RBFOX1: variants seen among roughly 807,000 people sequenced by gnomAD.
The protein encoded by RBFOX1 is RNA binding fox-1 homolog 1.
RBFOX1 carries 8 observed loss-of-function variants against 57.7 expected under a neutral mutation model. The ratio of observed to expected loss-of-function variants is 0.14; its 90% CI spans 0.08 to 0.25. RBFOX1 has a LOEUF of 0.25. RBFOX1 is among the 10% of genes least tolerant of loss of function. The pLI is 1.00. For synonymous variants in RBFOX1, 326 were observed against 222.4 expected (o/e 1.47, Z -4.15); for missense variants, 611 against 548.5 (o/e 1.11, Z -1.14).
intron 1 of RBFOX1, among the ~76,000 whole-genome samples, chr16:5,265,255 C>A (rs1358387540): frequency 1.3e-5 from 2 of 152,154 alleles, no homozygotes; most frequent in Non-Finnish European, 2.9e-5. Context: ...TCAGTCTTTC[C>A]CCTTCCACAT....
At chr16:5,496,281 C>T (rs1346701217) in intron 2 of RBFOX1, among the ~76,000 whole-genome samples, 2 of 152,172 alleles carry the variant, frequency 1.3e-5, no homozygotes, top group East Asian at 3.9e-4. Context: ...TTCTTAATTT[C>T]TTCTCACGCT....
At position 5,465,921 on chromosome 16, in the gene RBFOX1, C is replaced by T. The variant is rs1289051114; in HGVS notation, c.220-1295C>T. The stretch of plus-strand genomic sequence containing the variant: ...AGCAGAGCTGCATCTGGTCTCTGTC[C>T]ACGGTGCTGCGGTGGGTAAGCTCCC... On this transcript the variant is annotated intron_variant, in intron 1 of 2. Coordinates refer to the RBFOX1 transcript ENST00000585867. Among the ~76,000 whole-genome samples, 3 of 152,134 alleles carry T rather than the reference C, an allele frequency of 2.0e-5. No homozygotes were observed. The East Asian group carries it at 5.8e-4, about 29-fold the overall frequency.
At chr16:7,662,067 A>T (rs2067898167) in intron 12 of RBFOX1, among the ~76,000 whole-genome samples, 1 of 152,184 alleles carries the variant, frequency 6.6e-6, no homozygotes. Context: ...GCTCAGCCTC[A>T]GCCATATCAA....
intron 4 of RBFOX1, among the ~76,000 whole-genome samples, chr16:5,884,198 AAGC>A (rs1277860097): frequency 6.6e-6 from 1 of 152,180 alleles, no homozygotes; most frequent in East Asian, 1.9e-4. Flanking sequence ...TTTTACATTT[AAGC>A]AGCATCTCAG....
At chr16:7,236,019 A>G (rs1184883214) in intron 4 of RBFOX1, among the ~76,000 whole-genome samples, 1 of 152,176 alleles carries the variant, frequency 6.6e-6, no homozygotes, top group African/African-American at 2.4e-5. Flanking sequence ...TAACTAGACC[A>G]TGGTCATTTT....
At chr16:5,532,429 C>G (rs1270457765) in intron 2 of RBFOX1, among the ~76,000 whole-genome samples, 1 of 152,202 alleles carries the variant, frequency 6.6e-6, no homozygotes, top group Admixed American at 6.5e-5. Flanking sequence ...ATCTCAGGCC[C>G]TGACCCGGAC....
intron 6 of RBFOX1, among the ~76,000 whole-genome samples, chr16:7,582,350 GATTT>G (rs1311903932): frequency 3.3e-5 from 5 of 152,072 alleles, no homozygotes; most frequent in East Asian, 1.9e-4. Context: ...AAGTATGCAA[GATTT>G]ATTTGTTTCT....
chr16:5,312,223 C>G lies in RBFOX1; in HGVS notation c.219+72118C>G, dbSNP rs1287875129. 2.0e-5 allele frequency among the ~76,000 whole-genome samples: 3 copies of G among 152,212 alleles called. No individual in the cohort carries two copies. The East Asian group carries it at 5.8e-4, about 29-fold the overall frequency. ...AAGCTTACTTCGGGTGAAAGAGGGT[C>G]TCTGAAGCACAACTGAGAACATGTA... On this transcript the variant is annotated intron_variant, in intron 1 of 2. Transcript: ENST00000585867.
intron 4 of RBFOX1, among the ~76,000 whole-genome samples, chr16:7,477,184 G>T (rs1177360651): frequency 6.6e-6 from 1 of 152,128 alleles, no homozygotes; most frequent in Non-Finnish European, 1.5e-5. Flanking sequence ...CATTCTTGTG[G>T]ATGCTAAAAT....
chr16:5,266,204 ACATTTTGG>A (rs2062853307), intron 1 of RBFOX1, among the ~76,000 whole-genome samples: 1 of 152,166 alleles, frequency 6.6e-6, no homozygotes. Flanking sequence ...GACACTGCTG[ACATTTTGG>A]CTCAGCAGTT....
At chr16:6,572,844 T>C (rs2153955377) in intron 2 of RBFOX1, among the ~76,000 whole-genome samples, 1 of 152,240 alleles carries the variant, frequency 6.6e-6, no homozygotes, top group African/African-American at 2.4e-5. Flanking sequence ...TCCACCCACC[T>C]TCGCCTCCCA....
rs1027437747 is a variant in RBFOX1, at chr16:5,441,352, A to G, written c.220-25864A>G. ...CATACCTGAGACTGGTTAATTTATA[A>G]AGGAAAGAGGGTTTTTTTTTTTTTT... On this transcript the variant is annotated intron_variant, in intron 1 of 2. Transcript: ENST00000585867. 2.7e-5 allele frequency among the ~76,000 whole-genome samples: 4 copies of G among 145,556 alleles called. No homozygotes were observed. The East Asian group carries it at 6.4e-4, about 23-fold the overall frequency.
intron 3 of RBFOX1, among the ~76,000 whole-genome samples, chr16:6,919,614 C>G (rs1021124356): frequency 3.3e-5 from 5 of 152,032 alleles, no homozygotes; most frequent in African/African-American, 9.7e-5. Flanking sequence ...TATCTTCGAA[C>G]AAGTATCTGG....
chr16:7,446,748 T>C (rs2098810873), intron 4 of RBFOX1, among the ~76,000 whole-genome samples: 1 of 150,452 alleles, frequency 6.6e-6, no homozygotes, highest in South Asian at 2.1e-4. Context: ...CCCTCCACTG[T>C]CAACTTAAGC....
rs528627533 is a variant in RBFOX1 at position 7,556,590 on chromosome 16, C to G, written c.271-23187C>G. ...CATTTTCAACATTCTCTTTTGGATA[C>G]AGAGTTTCATTCACCTAAGAAAGCT... On this transcript the variant is annotated intron_variant, in intron 5 of 15. Transcript: ENST00000550418. 2.0e-5 allele frequency among the ~76,000 whole-genome samples: 3 copies of G among 152,104 alleles called. No homozygotes were observed. The South Asian group carries it at 6.2e-4, about 32-fold the overall frequency.
At chr16:6,203,768 C>T (rs1432386279) in intron 1 of RBFOX1, among the ~76,000 whole-genome samples, 2 of 152,132 alleles carry the variant, frequency 1.3e-5, no homozygotes, top group Non-Finnish European at 2.9e-5. Context: ...TAAATTGGTG[C>T]AGCCACAATG....
intron 3 of RBFOX1, among the ~76,000 whole-genome samples, chr16:6,695,821 T>G (rs576704968): frequency 8.5e-5 from 13 of 152,364 alleles, no homozygotes; most frequent in African/African-American, 3.1e-4. Flanking sequence ...CTGTTTTGTT[T>G]GTTGGTTTTG....
chr16:6,999,151 G>A (rs1203261554), intron 3 of RBFOX1, among the ~76,000 whole-genome samples: 1 of 150,350 alleles, frequency 6.7e-6, no homozygotes, highest in Non-Finnish European at 1.5e-5. Flanking sequence ...TTACAGGTGT[G>A]AGCCACTGAG....
At chr16:6,616,896 T>C (rs1326725134) in intron 2 of RBFOX1, among the ~76,000 whole-genome samples, 2 of 152,232 alleles carry the variant, frequency 1.3e-5, no homozygotes, top group Non-Finnish European at 2.9e-5. Flanking sequence ...TTAAGTTTTA[T>C]TGGAACACAG....
Sources: allele counts gnomAD v4.1 joint callset (sites outside exome capture counted in the v4.1 genomes callset), GRCh38; gene constraint gnomAD v4.1.1; transcripts MANE v1.5; gene names NCBI Gene and HGNC (gene_info 2026-07-23, HGNC 2026-07-21).